The following DLGAP2 variants were observed in gnomAD, a reference collection of about 807,000 sequenced individuals.
DLGAP2 encodes DLG associated protein 2.
Under a neutral mutation model 100.3 loss-of-function variants are expected in DLGAP2, and 26 were observed. That is an observed-to-expected ratio of 0.26 (90% confidence interval 0.19 to 0.36). The LOEUF is 0.36. Ranked by LOEUF, DLGAP2 falls within the 10% of genes least tolerant of loss-of-function variation. DLGAP2 has a pLI of 1.00. For missense variants in DLGAP2, 1,858 were observed against 1,453.2 expected, an observed-to-expected ratio of 1.28 and a Z score of -4.53; for synonymous variants, 886 against 630.1, an observed-to-expected ratio of 1.41 and a Z score of -6.08.
At chr8:1,628,366 G>A (rs545685402) in intron 7 of DLGAP2, among the ~76,000 whole-genome samples, 1 of 144,092 alleles carries the variant, frequency 6.9e-6, no homozygotes, top group Non-Finnish European at 1.5e-5. Flanking sequence ...TTAAGAGCTT[G>A]AGCCAACCTC....
intron 6 of DLGAP2, among the ~76,000 whole-genome samples, chr8:1,623,622 C>A (rs1266680967): frequency 3.3e-5 from 5 of 150,160 alleles, no homozygotes; most frequent in African/African-American, 1.2e-4. Context: ...GATGACGTGG[C>A]CCCAGTGTGC....
chr8:1,641,242 C>A (rs1270809003), intron 8 of DLGAP2, among the ~76,000 whole-genome samples: 2 of 152,160 alleles, frequency 1.3e-5, no homozygotes, highest in Non-Finnish European at 2.9e-5. Context: ...GCAGATAAAT[C>A]GTGCATCTGT....
chr8:948,250 C>T (rs1233516052), intron 2 of DLGAP2, among the ~76,000 whole-genome samples: 2 of 152,242 alleles, frequency 1.3e-5, no homozygotes, highest in East Asian at 1.9e-4. Flanking sequence ...CCCTACGGCC[C>T]TGTGTGGAGG....
intron 3 of DLGAP2, among the ~76,000 whole-genome samples, chr8:1,367,693 CAA>C (rs1163425414): frequency 2.6e-5 from 4 of 152,348 alleles, no homozygotes; most frequent in East Asian, 3.9e-4. Flanking sequence ...AGTTTTGTAA[CAA>C]AGAGTGTTTA....
intron 3 of DLGAP2, among the ~76,000 whole-genome samples, chr8:1,494,970 G>A (rs1799501630): frequency 6.6e-6 from 1 of 152,220 alleles, no homozygotes; most frequent in Admixed American, 6.5e-5. Context: ...GGGTGTTAGA[G>A]TGAGGTCCCG....
At chr8:1,206,148 G>C (rs1305163288) in intron 2 of DLGAP2, among the ~76,000 whole-genome samples, 5 of 152,316 alleles carry the variant, frequency 3.3e-5, no homozygotes, top group Non-Finnish European at 2.9e-5. Context: ...GGATCACAAA[G>C]GAGTTTGAAG....
chr8:1,439,190 C>T (rs1205646574), intron 3 of DLGAP2, among the ~76,000 whole-genome samples: 2 of 152,142 alleles, frequency 1.3e-5, no homozygotes, highest in African/African-American at 2.4e-5. Flanking sequence ...AAAGCATAGT[C>T]CGCCCAGCCC....
At chr8:836,411 G>A (rs1796876969) in intron 1 of DLGAP2, among the ~76,000 whole-genome samples, 1 of 152,214 alleles carries the variant, frequency 6.6e-6, no homozygotes. Flanking sequence ...AAGAGGCACT[G>A]GATGGGGCGA....
In DLGAP2 at chr8:1,521,345, A is replaced by T. The variant is rs1319048274; in HGVS notation, c.172+19914A>T. On this transcript the variant is annotated intron_variant, in intron 4 of 14. Transcript: ENST00000637795. ...ACTCGGGCGGCAGGTGATATGGGGC[A>T]TCTGGTTTGCACACTTGTTTTAATT... is the stretch of plus-strand genomic sequence containing the variant. Among the ~76,000 whole-genome samples, 2 of 51,200 alleles carry T rather than the reference A, an allele frequency of 3.9e-5. 1 individual carries two copies. The highest frequency in any genetic ancestry group is 1.3e-4 in the African/African-American group (2 of 15,690). The allele number at this position is 51,200 out of a possible 152,430, so 33.6% of individuals were successfully genotyped here.
intron 2 of DLGAP2, among the ~76,000 whole-genome samples, chr8:1,028,477 C>A (rs1451221153): frequency 6.6e-6 from 1 of 151,862 alleles, no homozygotes; most frequent in Non-Finnish European, 1.5e-5. Flanking sequence ...GCCCTTTATT[C>A]TCCAGGTGGG....
At position 1,103,496 on chromosome 8, in the gene DLGAP2, G is replaced by A. The variant is rs542493850; in HGVS notation, c.74-155355G>A. Among the ~76,000 whole-genome samples the A allele has an allele frequency of 3.9e-4, 49 of 126,992 alleles. 1 individual carries two copies. Among genetic ancestry groups the A allele is most frequent in the African/African-American group, 1.7e-3 (44 of 25,728 alleles). The allele number at this position is 126,992 out of a possible 152,430, so 83.3% of individuals were successfully genotyped here. A position where few individuals can be genotyped will look rare whatever the true frequency, so the allele number is the denominator to read the frequency against. On this transcript the variant is annotated intron_variant, in intron 2 of 14. Transcript: ENST00000637795. ...GATGACTGGCGGGGCCTTGGTTGAC[G>A]GTGATGACTGGCGGGGCCTTGGTTG...
At chr8:1,307,940 A>G (rs1160409457) in intron 3 of DLGAP2, among the ~76,000 whole-genome samples, 1 of 152,012 alleles carries the variant, frequency 6.6e-6, no homozygotes, top group Non-Finnish European at 1.5e-5. Flanking sequence ...TTTGGAGACA[A>G]TGGCACAATG....
intron 3 of DLGAP2, among the ~76,000 whole-genome samples, chr8:1,349,914 C>T (rs984541258): frequency 6.6e-6 from 1 of 152,196 alleles, no homozygotes; most frequent in Non-Finnish European, 1.5e-5. Context: ...AAAACAAACA[C>T]ATTTGCCTAT....
chr8:1,573,808 G>A (rs1314854412), intron 6 of DLGAP2, among the ~76,000 whole-genome samples: 3 of 152,172 alleles, frequency 2.0e-5, no homozygotes, highest in Non-Finnish European at 4.4e-5. Flanking sequence ...GGGCTGAGCA[G>A]GTGTGAGGCA....
chr8:1,355,554 G>A (rs950505388), intron 3 of DLGAP2, among the ~76,000 whole-genome samples: 7 of 152,046 alleles, frequency 4.6e-5, no homozygotes, highest in African/African-American at 9.7e-5. Flanking sequence ...TAGTAGAGGC[G>A]GGGTTTCTCC....
At chr8:1,510,880 A>C (rs1309761982) in intron 4 of DLGAP2, among the ~76,000 whole-genome samples, 1 of 152,250 alleles carries the variant, frequency 6.6e-6, no homozygotes, top group East Asian at 1.9e-4. Flanking sequence ...TTACATAATT[A>C]ATAAGGAATT....
At chr8:914,679 ATGTACG>A (rs1252775765) in intron 2 of DLGAP2, among the ~76,000 whole-genome samples, 2 of 152,230 alleles carry the variant, frequency 1.3e-5, no homozygotes, top group Admixed American at 6.5e-5. Context: ...GAGCAGGTTA[ATGTACG>A]TATTTATCTA....
chr8:1,441,683 CAAAAA>C (rs35789497), intron 3 of DLGAP2, among the ~76,000 whole-genome samples: 1 of 74,582 alleles, frequency 1.3e-5, no homozygotes, highest in Non-Finnish European at 3.1e-5. Flanking sequence ...GACTCCATCT[CAAAAA>C]AAAAAAAAAA....
chr8:1,013,524 G>A (rs1275759757), intron 2 of DLGAP2, among the ~76,000 whole-genome samples: 1 of 152,174 alleles, frequency 6.6e-6, no homozygotes, highest in African/African-American at 2.4e-5. Flanking sequence ...GGCGTGATGG[G>A]GGTGGGTGAT....
Sources: allele counts gnomAD v4.1 joint callset (sites outside exome capture counted in the v4.1 genomes callset), GRCh38; gene constraint gnomAD v4.1.1; transcripts MANE v1.5; gene names NCBI Gene and HGNC (gene_info 2026-07-23, HGNC 2026-07-21).